Variants in BDP1 observed in about 807,000 individuals in gnomAD.
BDP1 encodes BDP1 general transcription factor IIIB subunit.
BDP1 carries 169 observed loss-of-function variants against 266.6 expected under a neutral mutation model. The ratio of observed to expected loss-of-function variants is 0.63; its 90% CI spans 0.56 to 0.72. The LOEUF (loss-of-function observed/expected upper bound fraction) is 0.72, where lower values mean the gene tolerates loss of function less well. BDP1 is among the 30% of genes least tolerant of loss of function. The pLI, the probability that BDP1 is intolerant of heterozygous loss-of-function variation, is 0.00. For synonymous variants in BDP1, 1,090 were observed against 1,022.4 expected (o/e 1.07, Z -1.26); for missense variants, 3,015 against 3,053.8 (o/e 0.99, Z 0.30).
chr5:71,497,444 T>C lies in BDP1; in HGVS notation c.1956+18T>C. 1 of 1,559,966 alleles carries C rather than the reference T, an allele frequency of 6.4e-7. No individual in the cohort carries two copies. On this transcript the variant is annotated intron_variant, in intron 13 of 38. Coordinates refer to ENST00000358731, the MANE Select transcript of BDP1 (RefSeq NM_018429.3). ...TTGAAAAGGTATGGGGTAAGAGATTTCATGGAAATTAAAATTATAAAAATT... is the reference window on the plus strand; with the variant it reads ...TTGAAAAGGTATGGGGTAAGAGATTCCATGGAAATTAAAATTATAAAAATT...
intron 36 of BDP1, among the ~76,000 whole-genome samples, chr5:71,557,534 G>A (rs1743314880): frequency 6.6e-6 from 1 of 151,836 alleles, no homozygotes; most frequent in African/African-American, 2.4e-5. Context: ...ACAGGCACCT[G>A]CCACCACGCC....
the BDP1 span, among the ~76,000 whole-genome samples, chr5:71,576,992 G>C: frequency 6.6e-6 from 1 of 152,198 alleles, no homozygotes. Context: ...TCAATTTACA[G>C]TTTGTGTTTT....
At chr5:71,493,496 G>A (rs1360679706) in intron 11 of BDP1, among the ~76,000 whole-genome samples, 1 of 151,984 alleles carries the variant, frequency 6.6e-6, no homozygotes, top group African/African-American at 2.4e-5. Context: ...AGCAATCCTC[G>A]CACCTCAGCA....
chr5:71,471,581 C>A (rs936703272), intron 7 of BDP1, among the ~76,000 whole-genome samples: 7 of 152,190 alleles, frequency 4.6e-5, no homozygotes, highest in Non-Finnish European at 1.0e-4. Context: ...CAACCAGTGG[C>A]ACTAATAACA....
At chr5:71,488,287 A>T (rs1763387400) in intron 9 of BDP1, among the ~76,000 whole-genome samples, 1 of 152,022 alleles carries the variant, frequency 6.6e-6, no homozygotes, top group Admixed American at 6.6e-5. Flanking sequence ...CACCATGCCC[A>T]GCTAATTTTT....
At chr5:71,502,299 C>G (rs776795442) in intron 14 of BDP1, among the ~76,000 whole-genome samples, 5 of 151,164 alleles carry the variant, frequency 3.3e-5, no homozygotes, top group Non-Finnish European at 4.4e-5. Context: ...CTCAGCCTCC[C>G]AAGTAGCTGA....
At chr5:71,488,380 G>T (rs1763392690) in intron 9 of BDP1, among the ~76,000 whole-genome samples, 1 of 151,292 alleles carries the variant, frequency 6.6e-6, no homozygotes, top group Non-Finnish European at 1.5e-5. Flanking sequence ...GCCCACCTTG[G>T]CCTCCCAAAG....
chr5:71,470,604 A>C, intron 7 of BDP1, 115 bp downstream of exon 7: 1 of 660,066 alleles, frequency 1.5e-6, no homozygotes. Flanking sequence ...TTTTTTTTTC[A>C]TTGAGACAGA....
intron 2 of BDP1, among the ~76,000 whole-genome samples, chr5:71,460,862 A>C (rs1046874202): frequency 7.5e-6 from 1 of 133,588 alleles, no homozygotes; most frequent in Non-Finnish European, 1.7e-5. Flanking sequence ...CAGAATTTCA[A>C]GTCACTACAG....
At chr5:71,462,085 C>G (rs1368482184) in intron 3 of BDP1, among the ~76,000 whole-genome samples, 159 bp downstream of exon 3, 1 of 148,156 alleles carries the variant, frequency 6.7e-6, no homozygotes, top group Admixed American at 7.0e-5. Flanking sequence ...GCCTCAGATT[C>G]GCGGGTAGCT....
At chr5:71,500,316 CTTTTTTTTTTTTTTT>C (rs58201517) in intron 13 of BDP1, among the ~76,000 whole-genome samples, 1 of 73,100 alleles carries the variant, frequency 1.4e-5, no homozygotes, top group African/African-American at 6.8e-5. Context: ...AATCTTGTTT[CTTTTTTTTTTTTTTT>C]TTTTTTTTTT....
At chr5:71,465,188 A>G (rs1180670265) in intron 4 of BDP1, among the ~76,000 whole-genome samples, 1 of 152,136 alleles carries the variant, frequency 6.6e-6, no homozygotes, top group African/African-American at 2.4e-5. Flanking sequence ...TTAAGGCTCA[A>G]ATGAGCATGA....
intron 32 of BDP1, 52 bp from the exon 33 acceptor site, chr5:71,548,630 T>C: frequency 1.7e-6 from 2 of 1,146,672 alleles, no homozygotes; most frequent in Middle Eastern, 4.1e-4. Context: ...AATAACTTTT[T>C]AAATGTAAGA....
intron 11 of BDP1, among the ~76,000 whole-genome samples, chr5:71,492,749 T>C (rs892939253): frequency 1.3e-5 from 2 of 152,236 alleles, no homozygotes; most frequent in African/African-American, 4.8e-5. Context: ...GTAGTCCCAT[T>C]TGTCTAATTT....
intron 9 of BDP1, among the ~76,000 whole-genome samples, chr5:71,488,467 T>C (rs1189420841): frequency 6.6e-6 from 1 of 151,662 alleles, no homozygotes; most frequent in Non-Finnish European, 1.5e-5. Flanking sequence ...TTGCTCTTGT[T>C]GCCCAGGCTG....
At chr5:71,467,210 G>T in intron 5 of BDP1, 144 bp from the exon 6 acceptor site, 2 of 660,208 alleles carry the variant, frequency 3.0e-6, no homozygotes, top group Non-Finnish European at 5.0e-6. Context: ...CAGATGCTTG[G>T]AAAATACCCA....
chr5:71,517,270 GA>G, intron 21 of BDP1, 51 bp from the exon 22 acceptor site: 2 of 1,339,750 alleles, frequency 1.5e-6, no homozygotes, highest in Non-Finnish European at 2.0e-6. Context: ...AATATTTTAA[GA>G]GGTATATTCT....
chr5:71,528,843 T>C (rs1026611085), intron 25 of BDP1, among the ~76,000 whole-genome samples: 4 of 152,216 alleles, frequency 2.6e-5, no homozygotes, highest in Admixed American at 6.5e-5. Context: ...TGGAAAGATA[T>C]CTGGTTAATG....
intron 2 of BDP1, among the ~76,000 whole-genome samples, chr5:71,460,420 T>C (rs1761477940): frequency 6.6e-6 from 1 of 152,030 alleles, no homozygotes. Context: ...GTCATGAAAA[T>C]AGTAAGTGTC....
Sources: gnomAD v4.1 joint callset for allele counts (sites outside exome capture counted in the v4.1 genomes callset) on GRCh38, gnomAD v4.1.1 for gene constraint, MANE v1.5 for transcripts, NCBI Gene and HGNC (gene_info 2026-07-23, HGNC 2026-07-21) for gene names.